DIP2C: variants seen among roughly 807,000 people sequenced by gnomAD.
DIP2C encodes disco-interacting protein 2 homolog C.
In DIP2C, 33 loss-of-function variants were observed where a neutral mutation model predicts 192.4. The ratio of observed to expected loss-of-function variants is 0.17; its 90% confidence interval spans 0.13 to 0.23. The LOEUF (loss-of-function observed/expected upper bound fraction) is 0.23. Among genes scored for constraint, DIP2C ranks in the 10% least tolerant of loss-of-function variants. The pLI, the probability that DIP2C is intolerant of heterozygous loss-of-function variation, is 1.00. For synonymous variants in DIP2C, 979 were observed against 864.1 expected (o/e 1.13, Z -2.33); for missense variants, 1,537 against 2,110.1 (o/e 0.73, Z 5.32).
intron 1 of DIP2C, among the ~76,000 whole-genome samples, chr10:511,329 G>C (rs1367314695): frequency 6.6e-6 from 1 of 152,204 alleles, no homozygotes; most frequent in Non-Finnish European, 1.5e-5. Context: ...ACTGATTTCA[G>C]GCGGCTCAGC....
intron 1 of DIP2C, among the ~76,000 whole-genome samples, chr10:582,291 G>C (rs1370956981): frequency 1.3e-5 from 2 of 152,228 alleles, no homozygotes; most frequent in Non-Finnish European, 2.9e-5. Context: ...AAGGAAGCCT[G>C]AGGGCAGCTC....
chr10:537,140 T>C (rs187765760), intron 1 of DIP2C, among the ~76,000 whole-genome samples: 23 of 152,064 alleles, frequency 1.5e-4, no homozygotes, highest in Admixed American at 3.9e-4. Context: ...TGGAGTGAGT[T>C]TGACAACCTG....
At chr10:526,686 G>A (rs768369032) in intron 1 of DIP2C, among the ~76,000 whole-genome samples, 7 of 152,216 alleles carry the variant, frequency 4.6e-5, no homozygotes, top group East Asian at 3.8e-4. Flanking sequence ...CTAAGGACTC[G>A]TCCACACTGG....
At chr10:474,839 T>C (rs1970934797) in intron 2 of DIP2C, among the ~76,000 whole-genome samples, 1 of 152,238 alleles carries the variant, frequency 6.6e-6, no homozygotes, top group Non-Finnish European at 1.5e-5. Flanking sequence ...ATAATCCTTA[T>C]GTAATACCCA....
intron 32 of DIP2C, among the ~76,000 whole-genome samples, chr10:301,937 T>C (rs1020720213): frequency 6.6e-6 from 1 of 152,182 alleles, no homozygotes; most frequent in Admixed American, 6.5e-5. Context: ...ATTCTTTTAT[T>C]TTTCATTCGG....
In DIP2C at chr10:369,603, G is replaced by A. The variant is rs77317371; in HGVS notation, c.2022C>T (p.Gly674=). 1.2e-6 allele frequency: 2 copies of A among 1,613,812 alleles called. No individual in the cohort carries two copies. The highest frequency in any genetic ancestry group is 1.3e-5 in the African/African-American group (1 of 75,062). The part of the protein sequence containing the change: ...RPTDDSNQPP[G]RGVLSMHGLT... ...GTCCATGCATGGAGAGGACACCCCGGCCCGGGGGCTGGTTACTGTCATCCG... is the reference window on the plus strand; with the variant it reads ...GTCCATGCATGGAGAGGACACCCCGACCCGGGGGCTGGTTACTGTCATCCG... Residue 674 remains glycine (G), a synonymous_variant, in exon 18 of 37, where the codon GGC becomes GGT. Transcript: ENST00000280886.
chr10:311,358 C>T (rs969680789), intron 31 of DIP2C, among the ~76,000 whole-genome samples: 5 of 152,264 alleles, frequency 3.3e-5, no homozygotes, highest in Admixed American at 6.5e-5. Flanking sequence ...AAGACAGCGT[C>T]GGCTACGCGT....
intron 1 of DIP2C, among the ~76,000 whole-genome samples, chr10:534,082 G>A (rs1847564748): frequency 6.6e-6 from 1 of 152,054 alleles, no homozygotes; most frequent in South Asian, 2.1e-4. Flanking sequence ...ATGGTCAACT[G>A]GGACGAGGAG....
Position 329,545 on chromosome 10 carries a change from G to A in DIP2C, c.3641C>T (p.Pro1214Leu), listed in dbSNP as rs1957408740. 7.4e-6 allele frequency: 12 copies of A among 1,614,198 alleles called. No homozygotes were observed. The highest frequency in any genetic ancestry group is 8.5e-6 in the Non-Finnish European group (10 of 1,180,040). ...LIPPSELETN[P>L]ALWLLAVSQY... ...ACTCACGGCAAGAAGCCACAAGGCG[G>A]GGTTGGTTTCCAGCTCAGAGGGCGG... The change falls in exon 30 of 37, where the codon CCC becomes CTC. Residue 1214 changes from proline (P) to leucine (L), a missense_variant. Coordinates refer to ENST00000280886, the MANE Select transcript of DIP2C (RefSeq NM_014974.3).
In DIP2C at chr10:472,957, G is replaced by C. The variant is rs1156441576; in HGVS notation, c.158-408C>G. Reference sequence around the variant, plus strand: ...CTTAAGAAAATTTAAAAGTATATTTGTTATTAAAGTAATTGTTAAAATAAA... The same window carrying C: ...CTTAAGAAAATTTAAAAGTATATTTCTTATTAAAGTAATTGTTAAAATAAA... On this transcript the variant is annotated intron_variant, in intron 2 of 36. Coordinates refer to ENST00000280886, the MANE Select transcript of DIP2C (RefSeq NM_014974.3). Among the ~76,000 whole-genome samples the C allele has an allele frequency of 5.3e-5, 8 of 152,284 alleles. No individual in the cohort carries two copies. In the East Asian group the frequency reaches 1.2e-3, roughly 22 times the overall value.
chr10:525,260 T>A (rs930415089), intron 1 of DIP2C, among the ~76,000 whole-genome samples: 3 of 152,222 alleles, frequency 2.0e-5, no homozygotes, highest in African/African-American at 7.2e-5. Flanking sequence ...CGAGATAGAA[T>A]TTGACTTCAG....
At chr10:537,769 C>G (rs952048833) in intron 1 of DIP2C, among the ~76,000 whole-genome samples, 1 of 151,834 alleles carries the variant, frequency 6.6e-6, no homozygotes, top group Non-Finnish European at 1.5e-5. Flanking sequence ...CCCTAAATAT[C>G]GAGCAGTTAT....
intron 3 of DIP2C, among the ~76,000 whole-genome samples, chr10:455,280 GTAAATGAGATGAAAA>G (rs1564733543): frequency 6.9e-6 from 1 of 144,726 alleles, no homozygotes; most frequent in Non-Finnish European, 1.6e-5. Context: ...CCCATGAGGA[GTAAATGAGATGAAAA>G]CACTCTGCAG....
Position 327,158 on chromosome 10 carries a change from A to G in DIP2C, c.3772T>C (p.Ser1258Pro). 2.5e-6 allele frequency: 4 copies of G among 1,613,996 alleles called. No homozygotes were observed. The highest frequency in any genetic ancestry group is 3.4e-6 in the Non-Finnish European group (4 of 1,180,026). ...ACAACCACGCAGGTCCTCACTCGGGACAAGTCCAGCCCTCGCGCCTGGAGA... is the reference window on the plus strand; with the variant it reads ...ACAACCACGCAGGTCCTCACTCGGGGCAAGTCCAGCCCTCGCGCCTGGAGA... ...ESLKARGLDL[S>P]RVRTCVVVAE... The change falls in exon 31 of 37, where the codon TCC becomes CCC. Residue 1258 changes from serine (S) to proline (P), a missense_variant. Coordinates refer to ENST00000280886, the MANE Select transcript of DIP2C (RefSeq NM_014974.3).
intron 1 of DIP2C, among the ~76,000 whole-genome samples, chr10:687,979 C>T (rs1017150721): frequency 6.6e-6 from 1 of 152,186 alleles, no homozygotes; most frequent in African/African-American, 2.4e-5. Context: ...ACAGCGAACA[C>T]GGAGGGTGCT....
chr10:320,954 G>A (rs1327880392), intron 31 of DIP2C, among the ~76,000 whole-genome samples: 1 of 152,220 alleles, frequency 6.6e-6, no homozygotes, highest in Non-Finnish European at 1.5e-5. Context: ...AGGGGACCCG[G>A]GCGGAGCAGG....
In DIP2C at chr10:459,790, G is replaced by A. The variant is rs190966381; in HGVS notation, c.268+12649C>T. Among the ~76,000 whole-genome samples the A allele has an allele frequency of 2.3e-3, 321 of 141,768 alleles. 1 individual carries two copies. Among genetic ancestry groups the A allele is most frequent in the Middle Eastern group, 0.011 (2 of 182 alleles). 93.0% of individuals were successfully genotyped at this position (141,768 alleles called of 152,430 possible). On this transcript the variant is annotated intron_variant, in intron 3 of 36. Coordinates refer to ENST00000280886, the MANE Select transcript of DIP2C (RefSeq NM_014974.3). ...CACATCAGGGAACCACCTGCTGCAC[G>A]TGAGCTCTAGGACCTTCCCACAGCC...
chr10:453,730 A>C (rs926291442), intron 3 of DIP2C, among the ~76,000 whole-genome samples: 2 of 152,252 alleles, frequency 1.3e-5, no homozygotes, highest in African/African-American at 4.8e-5. Context: ...GAGGGAATGT[A>C]ACAGGTACAG....
At chr10:474,302 G>T (rs117840058) in intron 2 of DIP2C, among the ~76,000 whole-genome samples, 1 of 152,162 alleles carries the variant, frequency 6.6e-6, no homozygotes, top group African/African-American at 2.4e-5. Flanking sequence ...TACAAATACC[G>T]TTCTATCTTA....
Sources: gnomAD v4.1 joint callset for allele counts (sites outside exome capture counted in the v4.1 genomes callset) on GRCh38, gnomAD v4.1.1 for gene constraint, MANE v1.5 for transcripts, NCBI Gene and HGNC (gene_info 2026-07-23, HGNC 2026-07-21) for gene names.